Variants in SLC30A8 observed in about 807,000 individuals in gnomAD.
SLC30A8 encodes the protein proton-coupled zinc antiporter SLC30A8.
SLC30A8 carries 27 observed loss-of-function variants against 36.9 expected under a neutral mutation model. That is an observed-to-expected ratio of 0.73 (90% confidence interval 0.54 to 1.01). The LOEUF (loss-of-function observed/expected upper bound fraction) is 1.01. Among genes scored for constraint, SLC30A8 ranks in the 50% least tolerant of loss-of-function variants. The pLI is 0.00. For missense variants in SLC30A8, 439 were observed against 452.0 expected (o/e 0.97, Z 0.26); for synonymous variants, 164 against 172.4 (o/e 0.95, Z 0.38).
chr8:117,102,086 G>GT (rs1224629992), intron 2 of SLC30A8, among the ~76,000 whole-genome samples: 3 of 151,872 alleles, frequency 2.0e-5, no homozygotes, highest in Non-Finnish European at 4.4e-5. Flanking sequence ...AACTTGTTCG[G>GT]TTTTTTTAAA....
At chr8:117,019,597 C>T (rs1048551046) in intron 1 of SLC30A8, among the ~76,000 whole-genome samples, 3 of 152,160 alleles carry the variant, frequency 2.0e-5, no homozygotes, top group African/African-American at 4.8e-5. Flanking sequence ...TTCCTTTCTC[C>T]TTCCTTCTTG....
chr8:117,161,038 T>C (rs1370589126), intron 4 of SLC30A8, among the ~76,000 whole-genome samples: 1 of 152,152 alleles, frequency 6.6e-6, no homozygotes, highest in Non-Finnish European at 1.5e-5. Context: ...GTACATAGTT[T>C]GTAGTGTTTG....
chr8:117,156,025 G>A (rs1004803385), intron 3 of SLC30A8, among the ~76,000 whole-genome samples: 1 of 151,548 alleles, frequency 6.6e-6, no homozygotes, highest in Admixed American at 6.6e-5. Flanking sequence ...GTCACAGTCT[G>A]AGGAACTGAA....
At position 117,075,640 on chromosome 8, in the gene SLC30A8, CT is replaced by C. The variant is rs747884775; in HGVS notation, c.-226+36383del. The stretch of plus-strand genomic sequence containing the variant: ...TTTTCTTTCTACATTGTCTTTTGGA[CT>C]GTTTAAATCGTCTTTTTATTGGTTT... On this transcript the variant is annotated intron_variant, in intron 2 of 10. Coordinates refer to the SLC30A8 transcript ENST00000427715. Among the ~76,000 whole-genome samples the C allele has an allele frequency of 1.4e-4, 22 of 152,306 alleles. 1 individual carries two copies. The South Asian group carries it at 4.3e-3, about 30-fold the overall frequency.
chr8:116,989,625 AAAG>A (rs1190961829), intron 1 of SLC30A8, among the ~76,000 whole-genome samples: 9 of 152,160 alleles, frequency 5.9e-5, no homozygotes, highest in Non-Finnish European at 1.0e-4. Context: ...TCTAATCCTG[AAAG>A]AAAAGAAGTA....
At chr8:117,127,197 T>A (rs1340390878) in intron 2 of SLC30A8, among the ~76,000 whole-genome samples, 1 of 150,800 alleles carries the variant, frequency 6.6e-6, no homozygotes, top group Non-Finnish European at 1.5e-5. Context: ...CCAAATTATT[T>A]TTGAAACCTA....
At position 117,037,588 on chromosome 8, in the gene SLC30A8, A is replaced by G. The variant is rs375487824; in HGVS notation, c.-265-1631A>G. ...AATTTTTTTTGAGATAAAATGTACC[A>G]TTGAGAAGCTCCCCCTCCCACAGAG... On this transcript the variant is annotated intron_variant, in intron 1 of 10. Coordinates refer to the SLC30A8 transcript ENST00000427715. Among the ~76,000 whole-genome samples, 11 of 152,198 alleles carry G rather than the reference A, an allele frequency of 7.2e-5. No homozygotes were observed. The East Asian group carries it at 1.3e-3, about 19-fold the overall frequency.
At chr8:117,067,164 C>A (rs1376431412) in intron 2 of SLC30A8, among the ~76,000 whole-genome samples, 5 of 152,032 alleles carry the variant, frequency 3.3e-5, no homozygotes, top group Admixed American at 6.6e-5. Flanking sequence ...ATTAGGGTAA[C>A]CAGCCCCATG....
Position 117,064,634 on chromosome 8 carries a change from A to C in SLC30A8, c.-226+25376A>C, listed in dbSNP as rs538188687. On this transcript the variant is annotated intron_variant, in intron 2 of 10. Coordinates refer to the SLC30A8 transcript ENST00000427715. ...GTCACAGATTTTATCATTTGATGGC[A>C]GGGGGATGACTCACCATCGGACAGC... 3.9e-5 allele frequency among the ~76,000 whole-genome samples: 6 copies of C among 152,346 alleles called. No homozygotes were observed. In the East Asian group the frequency reaches 1.2e-3, roughly 29 times the overall value.
chr8:117,031,078 C>A (rs1452176278), intron 1 of SLC30A8, among the ~76,000 whole-genome samples: 3 of 152,156 alleles, frequency 2.0e-5, no homozygotes, highest in African/African-American at 7.2e-5. Flanking sequence ...ACCCCATTGA[C>A]CCAAATATTT....
At chr8:117,051,737 C>T (rs1015097703) in intron 2 of SLC30A8, among the ~76,000 whole-genome samples, 15 of 151,636 alleles carry the variant, frequency 9.9e-5, no homozygotes, top group Non-Finnish European at 1.5e-4. Flanking sequence ...GGTGTGAACC[C>T]GGGGGGCGGA....
At chr8:117,120,243 A>T (rs371274031) in intron 2 of SLC30A8, among the ~76,000 whole-genome samples, 1 of 152,000 alleles carries the variant, frequency 6.6e-6, no homozygotes, top group Non-Finnish European at 1.5e-5. Flanking sequence ...TAATTGAAAC[A>T]GTATAGTACT....
intron 1 of SLC30A8, among the ~76,000 whole-genome samples, chr8:116,952,688 A>G (rs1032811698): frequency 1.2e-4 from 19 of 152,192 alleles, no homozygotes; most frequent in Middle Eastern, 3.4e-3. Flanking sequence ...AACTCCTAAC[A>G]TCAAGTGACC....
At chr8:117,000,129 A>G (rs141987725) in intron 1 of SLC30A8, among the ~76,000 whole-genome samples, 78 of 152,264 alleles carry the variant, frequency 5.1e-4, no homozygotes, top group Non-Finnish European at 9.1e-4. Flanking sequence ...TTTAAACGCT[A>G]TGAGTCAGAT....
chr8:117,031,509 G>T (rs1398665186), intron 1 of SLC30A8, among the ~76,000 whole-genome samples: 1 of 151,196 alleles, frequency 6.6e-6, no homozygotes, highest in African/African-American at 2.4e-5. Flanking sequence ...GCCCAGGCTG[G>T]AGTGCAATTG....
At chr8:117,114,156 C>T (rs527240568) in intron 2 of SLC30A8, among the ~76,000 whole-genome samples, 1 of 152,208 alleles carries the variant, frequency 6.6e-6, no homozygotes, top group South Asian at 2.1e-4. Context: ...AACAGAAGCT[C>T]TTTTTCTTTC....
chr8:117,161,469 T>A (rs1168356404), intron 4 of SLC30A8, among the ~76,000 whole-genome samples: 2 of 152,230 alleles, frequency 1.3e-5, no homozygotes, highest in African/African-American at 4.8e-5. Flanking sequence ...TAAGAAGTGA[T>A]GCTTTCCAGT....
chr8:117,084,086 A>G (rs1490210114), intron 2 of SLC30A8, among the ~76,000 whole-genome samples: 1 of 152,174 alleles, frequency 6.6e-6, no homozygotes, highest in African/African-American at 2.4e-5. Context: ...TCTGAGAGTA[A>G]CATAATGGAT....
chr8:117,127,286 C>G, intron 2 of SLC30A8, among the ~76,000 whole-genome samples: 1 of 152,178 alleles, frequency 6.6e-6, no homozygotes, highest in African/African-American at 2.4e-5. Flanking sequence ...TTTCACATTA[C>G]TTAATGTTTT....
Sources: allele counts gnomAD v4.1 joint callset (sites outside exome capture counted in the v4.1 genomes callset), GRCh38; gene constraint gnomAD v4.1.1; transcripts MANE v1.5; gene names NCBI Gene and HGNC (gene_info 2026-07-23, HGNC 2026-07-21).